The following TIMP3 variants were observed in gnomAD, a reference collection of about 807,000 sequenced individuals.
TIMP3 encodes the protein TIMP metallopeptidase inhibitor 3.
Under a neutral mutation model 30.0 loss-of-function variants are expected in TIMP3, and 11 were observed. That is an observed-to-expected ratio of 0.37 (90% CI 0.23 to 0.61). The LOEUF is 0.61. Ranked by LOEUF, TIMP3 falls within the 20% of genes least tolerant of loss-of-function variation. The probability of loss-of-function intolerance (pLI) is 0.70; values close to 1 mark genes in which losing one functional copy is unlikely to be tolerated. For missense variants in TIMP3, 181 were observed against 276.8 expected, an observed-to-expected ratio of 0.65 and a Z score of 2.45; for synonymous variants, 112 against 111.3, an observed-to-expected ratio of 1.01 and a Z score of -0.04.
chr22:32,832,071 TA>T lies in TIMP3; in HGVS notation c.122-17380del, dbSNP rs1291835682. 1.6e-4 allele frequency among the ~76,000 whole-genome samples: 24 copies of T among 152,278 alleles called. No individual in the cohort carries two copies. In the East Asian group the frequency reaches 4.4e-3, roughly 28 times the overall value. On this transcript the variant is annotated intron_variant, in intron 1 of 4. Coordinates refer to ENST00000266085, the MANE Select transcript of TIMP3 (RefSeq NM_000362.5). Reference sequence around the variant, plus strand: ...CAGCTGATGGACCAGGTGGGGTGATTAGGGGCCAACTCCGTACTTGTTTCTG... The same window carrying T: ...CAGCTGATGGACCAGGTGGGGTGATTGGGGCCAACTCCGTACTTGTTTCTG...
At chr22:32,826,452 A>G in intron 1 of TIMP3, among the ~76,000 whole-genome samples, 1 of 149,772 alleles carries the variant, frequency 6.7e-6, no homozygotes, top group Middle Eastern at 3.4e-3. Context: ...AAATAAATAA[A>G]CAAAATTTAA....
chr22:32,812,239 A>G (rs1022305163), intron 1 of TIMP3, among the ~76,000 whole-genome samples: 9 of 152,212 alleles, frequency 5.9e-5, no homozygotes, highest in South Asian at 4.1e-4. Flanking sequence ...CAGCACCTAA[A>G]TCTGTCAACC....
At position 32,842,049 on chromosome 22, in the gene TIMP3, G is replaced by T. The variant is rs150590246; in HGVS notation, c.122-7403G>T. Among the ~76,000 whole-genome samples the T allele has an allele frequency of 1.2e-3, 180 of 152,238 alleles. 1 individual carries two copies. Among genetic ancestry groups the T allele is most frequent in the African/African-American group, 3.9e-3 (163 of 41,536 alleles). ...ACAAGCACTGCTTTGGAGAGGTTAGGGGGGAGGCTGCCTAGGTTATTGCAG... is the reference window on the plus strand; with the variant it reads ...ACAAGCACTGCTTTGGAGAGGTTAGTGGGGAGGCTGCCTAGGTTATTGCAG... On this transcript the variant is annotated intron_variant, in intron 1 of 4. Coordinates refer to ENST00000266085, the MANE Select transcript of TIMP3 (RefSeq NM_000362.5).
intron 1 of TIMP3, among the ~76,000 whole-genome samples, chr22:32,819,772 A>G (rs1193793683): frequency 1.3e-5 from 2 of 152,136 alleles, no homozygotes; most frequent in Non-Finnish European, 2.9e-5. Flanking sequence ...GAAACAGCAA[A>G]CTTGCTGGGT....
chr22:32,839,448 G>A (rs746934659), intron 1 of TIMP3, among the ~76,000 whole-genome samples: 6 of 152,042 alleles, frequency 3.9e-5, no homozygotes, highest in Non-Finnish European at 7.4e-5. Context: ...TGAGGTAGTC[G>A]CCTCATTGGA....
chr22:32,848,758 T>C (rs1436937273), intron 1 of TIMP3, among the ~76,000 whole-genome samples: 6 of 152,208 alleles, frequency 3.9e-5, no homozygotes, highest in Non-Finnish European at 8.8e-5. Context: ...GTTACTTACT[T>C]GCATACAGTC....
intron 1 of TIMP3, among the ~76,000 whole-genome samples, chr22:32,821,169 T>C (rs1043527634): frequency 6.6e-6 from 1 of 152,132 alleles, no homozygotes; most frequent in African/African-American, 2.4e-5. Flanking sequence ...AGAGATGGAA[T>C]CCCGTCTCTG....
At chr22:32,802,275 G>A (rs964809335) in intron 1 of TIMP3, among the ~76,000 whole-genome samples, 153 bp downstream of exon 1, 3 of 152,108 alleles carry the variant, frequency 2.0e-5, no homozygotes, top group Non-Finnish European at 4.4e-5. Context: ...GTCCTTGGGC[G>A]GGGGCGCTGG....
At chr22:32,830,867 G>A (rs935313025) in intron 1 of TIMP3, among the ~76,000 whole-genome samples, 4 of 152,164 alleles carry the variant, frequency 2.6e-5, no homozygotes, top group Admixed American at 6.5e-5. Flanking sequence ...TCGCTGGCAC[G>A]TAGCAAAATC....
Position 32,850,266 on chromosome 22 carries a change from C to T in TIMP3, c.204+732C>T, listed in dbSNP as rs369057209. 2.4e-4 allele frequency among the ~76,000 whole-genome samples: 36 copies of T among 152,016 alleles called. No homozygotes were observed. The East Asian group carries it at 2.5e-3, about 11-fold the overall frequency. On this transcript the variant is annotated intron_variant, in intron 2 of 4. Coordinates refer to ENST00000266085, the MANE Select transcript of TIMP3 (RefSeq NM_000362.5). ...TAGTCTCACCTCTACTCCTAAATAG[C>T]CTGCTTACCTTGGGCTTGTCCCTTT...
chr22:32,802,466 C>T (rs1156278003), intron 1 of TIMP3, among the ~76,000 whole-genome samples: 1 of 151,504 alleles, frequency 6.6e-6, no homozygotes, highest in Non-Finnish European at 1.5e-5. Context: ...GGAAAGGGTT[C>T]CCAAAACTTG....
chr22:32,812,512 G>C (rs1327533098), intron 1 of TIMP3, among the ~76,000 whole-genome samples: 1 of 152,078 alleles, frequency 6.6e-6, no homozygotes. Context: ...GGGAGGGCTT[G>C]GTAAAAATTG....
At chr22:32,831,545 G>A (rs945000183) in intron 1 of TIMP3, among the ~76,000 whole-genome samples, 1 of 152,210 alleles carries the variant, frequency 6.6e-6, no homozygotes, top group African/African-American at 2.4e-5. Context: ...CCATGGAGAT[G>A]CTATCCTGGA....
intron 1 of TIMP3, among the ~76,000 whole-genome samples, chr22:32,812,949 C>A (rs1304388656): frequency 6.6e-6 from 1 of 152,166 alleles, no homozygotes; most frequent in Non-Finnish European, 1.5e-5. Flanking sequence ...CTCCAGGGTG[C>A]AGTTCTGAAC....
intron 1 of TIMP3, among the ~76,000 whole-genome samples, chr22:32,842,766 G>A (rs762053217): frequency 2.6e-5 from 4 of 152,152 alleles, no homozygotes; most frequent in Admixed American, 6.5e-5. Context: ...TTGCCGGGGA[G>A]CACAAAGGTC....
chr22:32,821,399 C>A (rs1321565530), intron 1 of TIMP3, among the ~76,000 whole-genome samples: 1 of 152,210 alleles, frequency 6.6e-6, no homozygotes, highest in East Asian at 1.9e-4. Context: ...GCTAAGGTGT[C>A]ATCAGTGCTG....
chr22:32,822,318 T>C (rs2047273249), intron 1 of TIMP3, among the ~76,000 whole-genome samples: 1 of 152,168 alleles, frequency 6.6e-6, no homozygotes, highest in South Asian at 2.1e-4. Flanking sequence ...TGGGATGTGC[T>C]CCATGTGCTG....
chr22:32,847,090 G>C (rs575853065), intron 1 of TIMP3, among the ~76,000 whole-genome samples: 1 of 152,142 alleles, frequency 6.6e-6, no homozygotes, highest in African/African-American at 2.4e-5. Flanking sequence ...CACACCCCCC[G>C]GCCAAGACTC....
intron 1 of TIMP3, among the ~76,000 whole-genome samples, chr22:32,838,802 T>A (rs1187351919): frequency 6.6e-6 from 1 of 151,892 alleles, no homozygotes; most frequent in Non-Finnish European, 1.5e-5. Flanking sequence ...CACAGCCTCA[T>A]TCATTCATTC....
Sources: gnomAD v4.1 joint callset for allele counts (sites outside exome capture counted in the v4.1 genomes callset) on GRCh38, gnomAD v4.1.1 for gene constraint, MANE v1.5 for transcripts, NCBI Gene and HGNC (gene_info 2026-07-23, HGNC 2026-07-21) for gene names.